The following ARID1B variants were observed in gnomAD, a reference collection of about 807,000 sequenced individuals.
ARID1B encodes AT-rich interaction domain 1B.
ARID1B carries 30 observed loss-of-function variants against 212.3 expected under a neutral mutation model. That is an observed-to-expected ratio of 0.14 (90% confidence interval 0.11 to 0.19). ARID1B has a LOEUF of 0.19. Ranked by LOEUF, ARID1B falls within the 10% of genes least tolerant of loss-of-function variation. The pLI is 1.00. For missense variants in ARID1B, 2,891 were observed against 3,204.0 expected, an observed-to-expected ratio of 0.90 and a Z score of 2.36; for synonymous variants, 1,402 against 1,301.7, an observed-to-expected ratio of 1.08 and a Z score of -1.66.
intron 2 of ARID1B, among the ~76,000 whole-genome samples, chr6:156,893,305 TG>T (rs1788109585): frequency 6.6e-6 from 1 of 152,114 alleles, no homozygotes; most frequent in Admixed American, 6.6e-5. Context: ...GGATTACAGG[TG>T]TGAGCCACTG....
At chr6:157,151,608 G>A (rs1192284466) in intron 8 of ARID1B, 1 of 152,130 alleles carries the variant, frequency 6.6e-6, no homozygotes, top group Non-Finnish European at 1.5e-5. Flanking sequence ...ACAAAACTGT[G>A]TAATATCAGG....
intron 1 of ARID1B, among the ~76,000 whole-genome samples, chr6:156,812,933 GGTGTGT>G (rs71027314): frequency 0.022 from 1,923 of 89,314 alleles, 74 homozygotes; most frequent in East Asian, 0.082. Flanking sequence ...TATAATCCTG[GGTGTGT>G]GTGTGTGTGT....
chr6:157,096,793 A>G (rs1156772663), intron 5 of ARID1B, among the ~76,000 whole-genome samples: 1 of 152,270 alleles, frequency 6.6e-6, no homozygotes, highest in Non-Finnish European at 1.5e-5. Context: ...TCACAAGCCC[A>G]GCACTGTTAA....
At chr6:157,160,518 T>A (rs1790858808) in intron 8 of ARID1B, among the ~76,000 whole-genome samples, 1 of 152,250 alleles carries the variant, frequency 6.6e-6, no homozygotes, top group African/African-American at 2.4e-5. Flanking sequence ...TTGGTTGTGG[T>A]AACAGCCTCG....
intron 4 of ARID1B, among the ~76,000 whole-genome samples, chr6:157,040,719 C>G (rs931211194): frequency 6.6e-6 from 1 of 152,184 alleles, no homozygotes; most frequent in Non-Finnish European, 1.5e-5. Flanking sequence ...CAAGGTTGAT[C>G]TGAGAGTAAC....
At chr6:156,972,898 T>C (rs1237162886) in intron 4 of ARID1B, among the ~76,000 whole-genome samples, 1 of 152,260 alleles carries the variant, frequency 6.6e-6, no homozygotes, top group Non-Finnish European at 1.5e-5. Context: ...TTTGATTTTA[T>C]TGAAAGAAAT....
At chr6:156,897,217 TG>T (rs1562468268) in intron 2 of ARID1B, among the ~76,000 whole-genome samples, 54 of 77,182 alleles carry the variant, frequency 7.0e-4, no homozygotes, top group African/African-American at 2.1e-3. Flanking sequence ...CTGCTGCTGC[TG>T]CTTCTTCTTC....
At chr6:156,885,554 A>G (rs923227896) in intron 2 of ARID1B, among the ~76,000 whole-genome samples, 2 of 151,924 alleles carry the variant, frequency 1.3e-5, no homozygotes, top group African/African-American at 4.8e-5. Flanking sequence ...AACATCCTAT[A>G]TTTTTTTCTG....
intron 2 of ARID1B, among the ~76,000 whole-genome samples, chr6:156,857,423 C>A (rs1388435222): frequency 6.6e-6 from 1 of 152,102 alleles, no homozygotes; most frequent in African/African-American, 2.4e-5. Context: ...GAAGCAGAGG[C>A]CCTGGTGTGT....
chr6:157,149,672 C>T (rs918483631), intron 8 of ARID1B: 2 of 152,076 alleles, frequency 1.3e-5, no homozygotes, highest in Admixed American at 6.5e-5. Flanking sequence ...ATTTATAAGG[C>T]AAAGGTGAAT....
intron 4 of ARID1B, among the ~76,000 whole-genome samples, chr6:157,016,099 G>C (rs1304362682): frequency 6.6e-6 from 1 of 152,202 alleles, no homozygotes; most frequent in Non-Finnish European, 1.5e-5. Context: ...CTTGTAGACA[G>C]TGTCTGTCAA....
chr6:157,025,343 AT>A (rs1439110600), intron 4 of ARID1B, among the ~76,000 whole-genome samples: 1 of 152,256 alleles, frequency 6.6e-6, no homozygotes, highest in East Asian at 1.9e-4. Context: ...TTTTCTGAGC[AT>A]TGTGGATGGA....
intron 13 of ARID1B, 84 bp from the exon 14 acceptor site, chr6:157,189,558 T>C: frequency 7.1e-7 from 1 of 1,413,430 alleles, no homozygotes; most frequent in Non-Finnish European, 9.5e-7. Context: ...TTTATGTCTT[T>C]CATCTGTATA....
chr6:156,973,637 A>G (rs1001614256), intron 4 of ARID1B, among the ~76,000 whole-genome samples: 3 of 152,176 alleles, frequency 2.0e-5, no homozygotes, highest in Non-Finnish European at 4.4e-5. Context: ...AGAAAATTCT[A>G]TATTAGTTTA....
intron 4 of ARID1B, among the ~76,000 whole-genome samples, chr6:156,980,812 C>T (rs530516703): frequency 1.3e-5 from 2 of 152,274 alleles, no homozygotes; most frequent in East Asian, 3.9e-4. Context: ...CAGATTTCAG[C>T]CTGAGGCAGT....
At chr6:156,881,007 G>C (rs1467614341) in intron 2 of ARID1B, among the ~76,000 whole-genome samples, 1 of 152,164 alleles carries the variant, frequency 6.6e-6, no homozygotes, top group African/African-American at 2.4e-5. Flanking sequence ...TTCTGTACTG[G>C]TCTTGTTAGC....
chr6:156,948,014 A>G (rs939882662), intron 4 of ARID1B, among the ~76,000 whole-genome samples: 1 of 152,192 alleles, frequency 6.6e-6, no homozygotes, highest in Non-Finnish European at 1.5e-5. Context: ...TGTTCCAGTC[A>G]TGACAGCAGC....
chr6:156,878,366 A>G (rs966722353), intron 2 of ARID1B, among the ~76,000 whole-genome samples: 15 of 152,190 alleles, frequency 9.9e-5, no homozygotes, highest in African/African-American at 3.6e-4. Flanking sequence ...CACCATGAGG[A>G]TGCTGCAAAA....
chr6:156,940,807 A>T (rs776663423), intron 4 of ARID1B: 1 of 152,120 alleles, frequency 6.6e-6, no homozygotes, highest in Non-Finnish European at 1.5e-5. Context: ...TACCGGGAAA[A>T]GCTTTTTAAC....
Sources: gnomAD v4.1 joint callset for allele counts (sites outside exome capture counted in the v4.1 genomes callset) on GRCh38, gnomAD v4.1.1 for gene constraint, MANE v1.5 for transcripts, NCBI Gene and HGNC (gene_info 2026-07-23, HGNC 2026-07-21) for gene names.